TUSC3: variants seen among roughly 807,000 people sequenced by gnomAD.
The protein encoded by TUSC3 is dolichyl-diphosphooligosaccharide--protein glycosyltransferase subunit TUSC3.
A neutral mutation model predicts 44.8 loss-of-function variants in TUSC3; 45 were observed. That is an observed-to-expected ratio of 1.00 (90% CI 0.79 to 1.29). The LOEUF (loss-of-function observed/expected upper bound fraction) is 1.29, where lower values mean the gene tolerates loss of function less well. TUSC3 is among the 50% of genes most tolerant of loss of function. The probability of loss-of-function intolerance (pLI) is 0.00; values close to 1 mark genes in which losing one functional copy is unlikely to be tolerated. For missense variants in TUSC3, 519 were observed against 437.9 expected (o/e 1.19, Z -1.65); for synonymous variants, 212 against 152.9 (o/e 1.39, Z -2.85).
intron 1 of TUSC3, among the ~76,000 whole-genome samples, chr8:15,476,620 G>A (rs144688889): frequency 6.6e-6 from 1 of 152,188 alleles, no homozygotes; most frequent in East Asian, 1.9e-4. Flanking sequence ...ACAAAGAATT[G>A]GACCAAATGC....
intron 1 of TUSC3, among the ~76,000 whole-genome samples, chr8:15,572,773 C>G (rs565315913): frequency 1.3e-5 from 2 of 152,054 alleles, no homozygotes; most frequent in African/African-American, 4.8e-5. Context: ...GCAATAGGAA[C>G]GTGTGAGAAG....
chr8:15,810,379 T>C, the TUSC3 span, among the ~76,000 whole-genome samples: 1 of 152,316 alleles, frequency 6.6e-6, no homozygotes, highest in East Asian at 1.9e-4. Context: ...GGCGTATGTC[T>C]ATAATCTCTG....
At chr8:15,842,590 A>T in the TUSC3 span, among the ~76,000 whole-genome samples, 2 of 152,168 alleles carry the variant, frequency 1.3e-5, no homozygotes, top group African/African-American at 4.8e-5. Context: ...TTTCCTGTGC[A>T]TGCAAAGCAA....
chr8:15,820,212 T>G, the TUSC3 span, among the ~76,000 whole-genome samples: 2 of 152,134 alleles, frequency 1.3e-5, no homozygotes, highest in Non-Finnish European at 2.9e-5. Context: ...TACTTATTCA[T>G]AATGTATTAT....
chr8:15,663,498 A>G (rs1414859591), intron 5 of TUSC3, among the ~76,000 whole-genome samples: 1 of 151,820 alleles, frequency 6.6e-6, no homozygotes, highest in African/African-American at 2.4e-5. Flanking sequence ...ACAGACTGAG[A>G]AGCAGCCCAG....
At chr8:15,650,845 A>G (rs770746577) in intron 3 of TUSC3, 31 bp downstream of exon 3, 18 of 1,589,756 alleles carry the variant, frequency 1.1e-5, no homozygotes, top group Non-Finnish European at 1.6e-5. Context: ...CATATATTTA[A>G]CATAGTTGTT....
At chr8:15,594,755 A>G (rs952238947) in intron 1 of TUSC3, among the ~76,000 whole-genome samples, 10 of 152,268 alleles carry the variant, frequency 6.6e-5, no homozygotes, top group African/African-American at 1.9e-4. Context: ...TTCGCTGCAC[A>G]CTAGTTATCA....
intron 1 of TUSC3, among the ~76,000 whole-genome samples, chr8:15,569,435 C>G (rs1472353591): frequency 6.6e-6 from 1 of 152,064 alleles, no homozygotes; most frequent in Non-Finnish European, 1.5e-5. Context: ...GATAATGAAA[C>G]TATATACACA....
At chr8:15,789,884 T>A in the TUSC3 span, among the ~76,000 whole-genome samples, 16 of 151,950 alleles carry the variant, frequency 1.1e-4, no homozygotes, top group African/African-American at 3.9e-4. Context: ...GCCCCTAAAT[T>A]GGGGTTTAGG....
rs372711113 is a variant in TUSC3 at position 15,456,597 on chromosome 8, C to T, written n.92-26789C>T. On this transcript the variant is annotated intron_variant and non_coding_transcript_variant, in intron 1 of 5. Coordinates refer to the TUSC3 transcript ENST00000503191. ...GTGAGCTAGAAAGCCTAGAAATATT[C>T]ATTCACTTATGGAACTTTGATGTAG... 3.3e-5 allele frequency among the ~76,000 whole-genome samples: 5 copies of T among 152,028 alleles called. No individual in the cohort carries two copies. In the East Asian group the frequency reaches 5.8e-4, roughly 18 times the overall value.
chr8:15,797,103 G>C, the TUSC3 span, among the ~76,000 whole-genome samples: 1 of 152,210 alleles, frequency 6.6e-6, no homozygotes, highest in Non-Finnish European at 1.5e-5. Context: ...AATGGAGGCA[G>C]CTTCTCTTTA....
intron 1 of TUSC3, among the ~76,000 whole-genome samples, chr8:15,618,475 C>T (rs1406973919): frequency 6.6e-6 from 1 of 152,054 alleles, no homozygotes; most frequent in African/African-American, 2.4e-5. Context: ...TAGCCTAGGC[C>T]TGCACATGGT....
In TUSC3 at chr8:15,719,516, C is replaced by CCACA. The variant is rs56066329; in HGVS notation, c.799-11121_799-11118dup. 5.2e-3 allele frequency among the ~76,000 whole-genome samples: 85 copies of CCACA among 16,244 alleles called. 2 individuals carry two copies. The highest frequency in any genetic ancestry group is 0.023 in the South Asian group (22 of 964). The allele number at this position is 16,244 out of a possible 152,430, so 10.7% of individuals were successfully genotyped here. The stretch of plus-strand genomic sequence containing the variant: ...TTCATCACACACACACACACACACA[C>CCACA]CACACACACACACACACACACACAC... On this transcript the variant is annotated intron_variant, in intron 6 of 10. Coordinates refer to ENST00000503731, the MANE Select transcript of TUSC3 (RefSeq NM_006765.4).
chr8:15,720,197 T>TACACAC (rs1239480224), intron 6 of TUSC3, among the ~76,000 whole-genome samples: 170 of 105,374 alleles, frequency 1.6e-3, no homozygotes, highest in African/African-American at 6.0e-3. Flanking sequence ...AGTGTATATA[T>TACACAC]ATATACACAC....
intron 1 of TUSC3, among the ~76,000 whole-genome samples, chr8:15,596,953 G>A (rs891552760): frequency 6.6e-6 from 1 of 152,134 alleles, no homozygotes; most frequent in Non-Finnish European, 1.5e-5. Flanking sequence ...AAGGTTAATA[G>A]TCCAATTTAA....
At chr8:15,673,622 T>C in intron 5 of TUSC3, 125 bp from the exon 6 acceptor site, 1 of 812,386 alleles carries the variant, frequency 1.2e-6, no homozygotes, top group Non-Finnish European at 2.1e-6. Flanking sequence ...AGTGAAATTT[T>C]TTAAAATGTG....
intron 6 of TUSC3, among the ~76,000 whole-genome samples, chr8:15,678,477 C>G (rs941056130): frequency 1.3e-5 from 2 of 151,714 alleles, no homozygotes; most frequent in Non-Finnish European, 2.9e-5. Context: ...GAGATATGCC[C>G]TGGAAAAAAA....
chr8:15,645,023 G>C (rs1806561670), intron 2 of TUSC3, among the ~76,000 whole-genome samples: 1 of 152,060 alleles, frequency 6.6e-6, no homozygotes, highest in Non-Finnish European at 1.5e-5. Context: ...TGTGAAATAG[G>C]TCACATCTTC....
the TUSC3 span, among the ~76,000 whole-genome samples, chr8:15,846,480 G>A: frequency 2.0e-5 from 3 of 152,212 alleles, no homozygotes; most frequent in South Asian, 6.2e-4. Context: ...ATGATAGACT[G>A]GATGAAGAAA....
Sources: allele counts gnomAD v4.1 joint callset (sites outside exome capture counted in the v4.1 genomes callset), GRCh38; gene constraint gnomAD v4.1.1; transcripts MANE v1.5; gene names NCBI Gene and HGNC (gene_info 2026-07-23, HGNC 2026-07-21).